The following BARD1 variants were observed in gnomAD, a reference collection of about 807,000 sequenced individuals.
The protein encoded by BARD1 is BRCA1 associated RING domain 1.
A neutral mutation model predicts 77.0 loss-of-function variants in BARD1; 73 were observed. The ratio of observed to expected loss-of-function variants is 0.95; its 90% confidence interval spans 0.79 to 1.15. The LOEUF is 1.15. Among genes scored for constraint, BARD1 ranks in the 50% most tolerant of loss-of-function variants. The pLI is 0.00. For synonymous variants in BARD1, 384 were observed against 338.0 expected, an observed-to-expected ratio of 1.14 and a Z score of -1.49; for missense variants, 993 against 938.8, an observed-to-expected ratio of 1.06 and a Z score of -0.75.
At chr2:214,754,054 C>T (rs952238265) in intron 6 of BARD1, among the ~76,000 whole-genome samples, 2 of 152,028 alleles carry the variant, frequency 1.3e-5, no homozygotes, top group South Asian at 2.1e-4. Context: ...GAAACTCATC[C>T]ACTATTCTTG....
chr2:214,737,345 C>CT (rs1330777996), intron 9 of BARD1, among the ~76,000 whole-genome samples: 7 of 152,234 alleles, frequency 4.6e-5, no homozygotes, highest in African/African-American at 1.7e-4. Context: ...GATAAGGAAA[C>CT]TTAAGTCCCA....
At chr2:214,767,275 T>C (rs1694247537) in intron 6 of BARD1, among the ~76,000 whole-genome samples, 1 of 151,442 alleles carries the variant, frequency 6.6e-6, no homozygotes, top group Non-Finnish European at 1.5e-5. Flanking sequence ...TCCTCAAGTG[T>C]AGAACCCAAG....
At chr2:214,753,445 T>C (rs1294611980) in intron 6 of BARD1, among the ~76,000 whole-genome samples, 1 of 152,200 alleles carries the variant, frequency 6.6e-6, no homozygotes, top group East Asian at 1.9e-4. Context: ...TTCTATGTTT[T>C]TTTTAAAGAT....
At chr2:214,751,117 G>GTGTGTGTGTATATATA (rs1486423673) in intron 7 of BARD1, among the ~76,000 whole-genome samples, 1 of 16,288 alleles carries the variant, frequency 6.1e-5, no homozygotes, top group Non-Finnish European at 1.4e-4. Context: ...GTGTGTGTGT[G>GTGTGTGTGTATATATA]TATATATATA....
At chr2:214,797,287 C>G (rs191996920) in intron 1 of BARD1, among the ~76,000 whole-genome samples, 170 bp from the exon 2 acceptor site, 65 of 152,238 alleles carry the variant, frequency 4.3e-4, no homozygotes, top group Admixed American at 1.9e-3. Flanking sequence ...AAATATTGTA[C>G]CATAACATAC....
At chr2:214,786,569 A>C (rs1037775966) in intron 3 of BARD1, among the ~76,000 whole-genome samples, 2 of 152,064 alleles carry the variant, frequency 1.3e-5, no homozygotes, top group African/African-American at 4.8e-5. Flanking sequence ...GAAATGGGAA[A>C]CAGGCTTTGA....
intron 4 of BARD1, among the ~76,000 whole-genome samples, chr2:214,775,320 T>C (rs149253124): frequency 6.6e-6 from 1 of 152,236 alleles, no homozygotes; most frequent in Non-Finnish European, 1.5e-5. Context: ...GGTTGTTAGT[T>C]TACCTAAATT....
intron 2 of BARD1, among the ~76,000 whole-genome samples, chr2:214,793,905 T>C (rs1378233579): frequency 6.6e-6 from 1 of 152,046 alleles, no homozygotes; most frequent in African/African-American, 2.4e-5. Flanking sequence ...TAACAGAGTA[T>C]AAAAATTTAT....
intron 9 of BARD1, chr2:214,730,943 A>C (rs1321576550): frequency 2.2e-6 from 1 of 455,632 alleles, no homozygotes; most frequent in Non-Finnish European, 4.4e-6. Context: ...TATATGTCTA[A>C]TCGTCTGTTA....
chr2:214,751,136 TATATA>T (rs1693412843), intron 7 of BARD1, among the ~76,000 whole-genome samples: 2 of 46,102 alleles, frequency 4.3e-5, no homozygotes, highest in Non-Finnish European at 1.1e-4. Context: ...TATATATATA[TATATA>T]TATATATATA....
At chr2:214,783,930 A>T (rs889832958) in intron 3 of BARD1, among the ~76,000 whole-genome samples, 7 of 152,354 alleles carry the variant, frequency 4.6e-5, no homozygotes, top group African/African-American at 1.7e-4. Context: ...AAGAAAATCT[A>T]GGCAATACCA....
rs1361493187 is a variant in BARD1, at chr2:214,804,324, A to G, written c.158+5088T>C. Among the ~76,000 whole-genome samples, 3 of 152,356 alleles carry G rather than the reference A, an allele frequency of 2.0e-5. No individual in the cohort carries two copies. The East Asian group carries it at 5.8e-4, about 29-fold the overall frequency. On this transcript the variant is annotated intron_variant, in intron 1 of 10. Coordinates refer to ENST00000260947, the MANE Select transcript of BARD1 (RefSeq NM_000465.4). ...GCAAAGGCCCTTCAAATGTGATCCT[A>G]CCTTAACCTAAGTTCTTTCATACAT...
At chr2:214,788,731 C>T (rs1299064529) in intron 3 of BARD1, among the ~76,000 whole-genome samples, 4 of 152,020 alleles carry the variant, frequency 2.6e-5, no homozygotes, top group South Asian at 4.1e-4. Context: ...ATCTAATACC[C>T]TTATCCTAAT....
chr2:214,792,231 T>A (rs1695548033), intron 3 of BARD1, 66 bp downstream of exon 3: 6 of 1,444,774 alleles, frequency 4.2e-6, no homozygotes, highest in Non-Finnish European at 5.8e-6. Flanking sequence ...TTATATACTT[T>A]ATGAATATGA....
chr2:214,728,537 C>CATT lies in BARD1; in HGVS notation c.*138_*139insAAT. On this transcript the variant is annotated 3_prime_UTR_variant, in exon 11 of 11. Transcript: ENST00000260947. ...CATGAATTCCTAATCTGGCATTAGA[C>CATT]TTTTTTTTTTTTTTTGATTCAAAGA... is the stretch of plus-strand genomic sequence containing the variant. The CATT allele has an allele frequency of 1.4e-5, 8 of 587,824 alleles. No individual in the cohort carries two copies. The highest frequency in any genetic ancestry group is 2.2e-5 in the Non-Finnish European group (8 of 359,076). 36.4% of individuals were successfully genotyped at this position (587,824 alleles called of 1,614,324 possible). A position where few individuals can be genotyped will look rare whatever the true frequency, so the allele number is the denominator to read the frequency against.
intron 3 of BARD1, among the ~76,000 whole-genome samples, chr2:214,785,574 A>T (rs1695234799): frequency 6.6e-6 from 1 of 152,020 alleles, no homozygotes; most frequent in Non-Finnish European, 1.5e-5. Context: ...AGAAAACTTG[A>T]AAATAATTTA....
intron 1 of BARD1, among the ~76,000 whole-genome samples, chr2:214,808,402 C>G (rs1268252242): frequency 6.6e-6 from 1 of 152,112 alleles, no homozygotes; most frequent in African/African-American, 2.4e-5. Flanking sequence ...GAGCGAGACT[C>G]CGTCTCAAAA....
At chr2:214,734,299 A>C (rs907123909) in intron 9 of BARD1, among the ~76,000 whole-genome samples, 2 of 152,168 alleles carry the variant, frequency 1.3e-5, no homozygotes, top group African/African-American at 4.8e-5. Flanking sequence ...CTTGTTAAAC[A>C]AATACGAAAT....
chr2:214,758,524 T>C (rs1162285730), intron 6 of BARD1, among the ~76,000 whole-genome samples: 4 of 152,236 alleles, frequency 2.6e-5, no homozygotes, highest in Admixed American at 2.0e-4. Context: ...TTTTTCATGA[T>C]AATCTGGAAG....
Sources: allele counts gnomAD v4.1 joint callset (sites outside exome capture counted in the v4.1 genomes callset), GRCh38; gene constraint gnomAD v4.1.1; transcripts MANE v1.5; gene names NCBI Gene and HGNC (gene_info 2026-07-23, HGNC 2026-07-21).